The following FLT3 variants were observed in gnomAD, a reference collection of about 807,000 sequenced individuals.
FLT3 encodes fms related receptor tyrosine kinase 3.
Under a neutral mutation model 126.6 loss-of-function variants are expected in FLT3, and 46 were observed. That is an observed-to-expected ratio of 0.36 (90% CI 0.29 to 0.46). The LOEUF is 0.46. Ranked by LOEUF, FLT3 falls within the 20% of genes least tolerant of loss-of-function variation. The pLI is 1.00. For missense variants in FLT3, 1,069 were observed against 1,190.3 expected (o/e 0.90, Z 1.50); for synonymous variants, 404 against 434.4 (o/e 0.93, Z 0.87).
intron 1 of FLT3, among the ~76,000 whole-genome samples, chr13:28,078,600 A>G (rs1358897989): frequency 6.6e-6 from 1 of 152,184 alleles, no homozygotes; most frequent in African/African-American, 2.4e-5. Flanking sequence ...AAGGTCTCCA[A>G]CATGGCCTGG....
At chr13:28,027,062 T>C (rs1221261313) in intron 17 of FLT3, 26 bp downstream of exon 17, 1 of 1,605,812 alleles carries the variant, frequency 6.2e-7, no homozygotes, top group Non-Finnish European at 8.5e-7. Context: ...GATGTGTAAT[T>C]ACGAAACCCT....
rs757718855 is a variant in FLT3, at chr13:28,049,444, C to T, written c.976G>A (p.Gly326Arg). The T allele has an allele frequency of 1.4e-5, 22 of 1,613,784 alleles. No homozygotes were observed. The highest frequency in any genetic ancestry group is 4.5e-5 in the East Asian group (2 of 44,882). The change falls in exon 8 of 24, where the codon GGA (glycine) becomes AGA (arginine). Residue 326 changes from glycine (G) to arginine (R), a missense_variant. By Grantham distance (125) the Gly-to-Arg change is moderately radical (BLOSUM62 -2). Transcript: ENST00000241453. ...FVSSVARNDT[G>R]YYTCSSSKHP... ...TTTGAAGAGGAACAAGTGTAGTATC[C>T]GGTGTCGTTTCTTGCCACTGATGAT...
At chr13:28,082,450 A>T (rs1383898676) in intron 1 of FLT3, among the ~76,000 whole-genome samples, 1 of 151,966 alleles carries the variant, frequency 6.6e-6, no homozygotes, top group Non-Finnish European at 1.5e-5. Flanking sequence ...GGCATGAGCC[A>T]CTGTGCCTAG....
At chr13:28,007,795 A>T (rs1675998084) in intron 23 of FLT3, among the ~76,000 whole-genome samples, 1 of 152,210 alleles carries the variant, frequency 6.6e-6, no homozygotes, top group Admixed American at 6.5e-5. Flanking sequence ...AAGAGTTATT[A>T]ATTTTGTGGC....
At chr13:28,074,863 G>A (rs573118590) in intron 1 of FLT3, among the ~76,000 whole-genome samples, 1 of 152,122 alleles carries the variant, frequency 6.6e-6, no homozygotes, top group East Asian at 1.9e-4. Flanking sequence ...CAAACTCCTA[G>A]GCTCAAGTTG....
At chr13:28,032,245 T>C (rs1873407386) in intron 15 of FLT3, among the ~76,000 whole-genome samples, 1 of 152,156 alleles carries the variant, frequency 6.6e-6, no homozygotes, top group South Asian at 2.1e-4. Flanking sequence ...CATCCAAACA[T>C]TTAACATATG....
chr13:28,075,105 A>G (rs539020525), intron 1 of FLT3, among the ~76,000 whole-genome samples: 1 of 152,352 alleles, frequency 6.6e-6, no homozygotes, highest in African/African-American at 2.4e-5. Context: ...TGAGTATTGT[A>G]TAATTGACAA....
intron 5 of FLT3, among the ~76,000 whole-genome samples, chr13:28,050,961 T>C (rs1875396684): frequency 6.6e-6 from 1 of 152,248 alleles, no homozygotes; most frequent in African/African-American, 2.4e-5. Flanking sequence ...CCTTACTTAG[T>C]ATTGGCTAGG....
At chr13:28,088,648 C>T (rs1274961378) in intron 1 of FLT3, among the ~76,000 whole-genome samples, 2 of 136,532 alleles carry the variant, frequency 1.5e-5, no homozygotes, top group African/African-American at 5.5e-5. Context: ...TGCAATGGTG[C>T]GATCTTGGCT....
intron 9 of FLT3, among the ~76,000 whole-genome samples, chr13:28,039,401 C>A (rs1286122457): frequency 6.6e-6 from 1 of 151,892 alleles, no homozygotes; most frequent in Non-Finnish European, 1.5e-5. Context: ...TGGGGTTTCA[C>A]CATGTTGGCC....
intron 16 of FLT3, among the ~76,000 whole-genome samples, chr13:28,027,855 ACG>A (rs1872948612): frequency 1.3e-5 from 2 of 152,216 alleles, no homozygotes; most frequent in Non-Finnish European, 1.5e-5. Flanking sequence ...CACTCTCACC[ACG>A]CCTGTGCACC....
At chr13:28,078,250 G>A (rs1268616320) in intron 1 of FLT3, among the ~76,000 whole-genome samples, 1 of 152,236 alleles carries the variant, frequency 6.6e-6, no homozygotes, top group African/African-American at 2.4e-5. Flanking sequence ...CCCTAGCAGA[G>A]GTTCTCCATG....
chr13:28,098,770 T>C (rs966876852), intron 1 of FLT3, among the ~76,000 whole-genome samples: 2 of 146,168 alleles, frequency 1.4e-5, no homozygotes, highest in African/African-American at 2.8e-5. Flanking sequence ...TACCACGGAA[T>C]GGTACCAGCA....
At chr13:28,066,088 C>T (rs567404956) in intron 2 of FLT3, among the ~76,000 whole-genome samples, 2 of 152,096 alleles carry the variant, frequency 1.3e-5, no homozygotes, top group Admixed American at 1.3e-4. Flanking sequence ...AATTGTATCA[C>T]AAATAAATAA....
intron 17 of FLT3, 39 bp from the exon 18 acceptor site, chr13:28,024,982 C>A: frequency 9.3e-7 from 1 of 1,076,794 alleles, no homozygotes; most frequent in Non-Finnish European, 1.4e-6. Flanking sequence ...TTACATTATT[C>A]TTCTCAGCAG....
chr13:28,089,425 T>G (rs1305228729), intron 1 of FLT3, among the ~76,000 whole-genome samples: 1 of 151,210 alleles, frequency 6.6e-6, no homozygotes, highest in Non-Finnish European at 1.5e-5. Flanking sequence ...TATAGCTGTT[T>G]TATTCATCAT....
chr13:28,050,439 G>T (rs2137731843), intron 5 of FLT3, among the ~76,000 whole-genome samples: 1 of 152,108 alleles, frequency 6.6e-6, no homozygotes, highest in East Asian at 1.9e-4. Flanking sequence ...ACACTAAGGA[G>T]AATTACATAA....
At chr13:28,034,944 C>CA (rs34049926) in intron 12 of FLT3, among the ~76,000 whole-genome samples, 24,641 of 149,112 alleles carry the variant, frequency 0.17, 2,316 homozygotes, top group Middle Eastern at 0.26. Flanking sequence ...GTCTCCATCT[C>CA]AAAAAAAAAA....
At chr13:28,009,664 G>A (rs1292783491) in intron 23 of FLT3, among the ~76,000 whole-genome samples, 1 of 151,814 alleles carries the variant, frequency 6.6e-6, no homozygotes, top group East Asian at 1.9e-4. Context: ...AGACTCAAGC[G>A]ATCCTCCCAC....
Sources: allele counts gnomAD v4.1 joint callset (sites outside exome capture counted in the v4.1 genomes callset), GRCh38; gene constraint gnomAD v4.1.1; transcripts MANE v1.5; gene names NCBI Gene and HGNC (gene_info 2026-07-23, HGNC 2026-07-21).